The following ESYT2 variants were observed in gnomAD, a reference collection of about 807,000 sequenced individuals.
The protein encoded by ESYT2 is extended synaptotagmin-2.
A neutral mutation model predicts 107.2 loss-of-function variants in ESYT2; 54 were observed. The ratio of observed to expected loss-of-function variants is 0.50; its 90% CI spans 0.40 to 0.63. The LOEUF (loss-of-function observed/expected upper bound fraction) is 0.63, where lower values mean the gene tolerates loss of function less well. Among genes scored for constraint, ESYT2 ranks in the 30% least tolerant of loss-of-function variants. The pLI is 0.00. For missense variants in ESYT2, 1,020 were observed against 1,094.5 expected, an observed-to-expected ratio of 0.93 and a Z score of 0.96; for synonymous variants, 491 against 434.1, an observed-to-expected ratio of 1.13 and a Z score of -1.63.
intron 22 of ESYT2, 55 bp from the exon 23 acceptor site, chr7:158,734,307 G>A (rs1043108550): frequency 1.2e-6 from 2 of 1,613,116 alleles, no homozygotes; most frequent in Admixed American, 1.7e-5. Flanking sequence ...AGTAGGAAAA[G>A]CCTATCAGAT....
At chr7:158,758,851 C>T (rs530875850) in intron 13 of ESYT2, among the ~76,000 whole-genome samples, 22 of 152,312 alleles carry the variant, frequency 1.4e-4, no homozygotes, top group African/African-American at 3.6e-4. Context: ...TCTGTGGTTA[C>T]GGTTATTACC....
chr7:158,825,502 T>C (rs940312314), intron 1 of ESYT2, among the ~76,000 whole-genome samples: 6 of 152,210 alleles, frequency 3.9e-5, no homozygotes, highest in Non-Finnish European at 5.9e-5. Flanking sequence ...CAACACTGTT[T>C]ATATTAAAGC....
Position 158,734,159 on chromosome 7 carries a change from G to A in ESYT2, c.*48C>T. On this transcript the variant is annotated 3_prime_UTR_variant, in exon 23 of 23. Coordinates refer to ENST00000275418, the MANE Select transcript of ESYT2 (RefSeq NM_001367773.1). The stretch of plus-strand genomic sequence containing the variant: ...ACGTCTGTGAGAGGGTGTGTTCCGG[G>A]TAGAGGTGGAGAGCTACGCTGAAGA... 6.2e-7 allele frequency: 1 copy of A among 1,606,278 alleles called. No homozygotes were observed. The highest frequency in any genetic ancestry group is 8.5e-7 in the Non-Finnish European group (1 of 1,173,170).
intron 16 of ESYT2, among the ~76,000 whole-genome samples, chr7:158,747,781 G>T (rs898003947): frequency 2.0e-5 from 3 of 152,054 alleles, no homozygotes; most frequent in African/African-American, 7.2e-5. Context: ...GGTCTAAACC[G>T]GAAAGAACCC....
chr7:158,734,261 GA>G lies in ESYT2; in HGVS notation c.2556-10del. On this transcript the variant is annotated splice_polypyrimidine_tract_variant and intron_variant, in intron 22 of 22. Transcript: ENST00000275418. ...CTTCCGTGAGGTCATACCTGAGAAAGACAGTGACAGGAAGGTGGTGACGGAT... is the reference window on the plus strand; with the variant it reads ...CTTCCGTGAGGTCATACCTGAGAAAGCAGTGACAGGAAGGTGGTGACGGAT... 1 of 1,614,122 alleles carries G rather than the reference GA, an allele frequency of 6.2e-7. No individual in the cohort carries two copies. Among genetic ancestry groups the G allele is most frequent in the Non-Finnish European group, 8.5e-7 (1 of 1,180,032 alleles).
chr7:158,808,889 T>C (rs368709913), intron 1 of ESYT2, among the ~76,000 whole-genome samples: 83 of 151,920 alleles, frequency 5.5e-4, no homozygotes, highest in African/African-American at 1.9e-3. Context: ...GCCACGAGAA[T>C]TGCTTGAACT....
At chr7:158,771,934 C>CA (rs933673152) in intron 7 of ESYT2, among the ~76,000 whole-genome samples, 1 of 152,054 alleles carries the variant, frequency 6.6e-6, no homozygotes, top group African/African-American at 2.4e-5. Context: ...GCCTGGCCAA[C>CA]ATGGCGAAAC....
intron 16 of ESYT2, among the ~76,000 whole-genome samples, chr7:158,747,831 G>A (rs1837455283): frequency 6.6e-6 from 1 of 152,166 alleles, no homozygotes; most frequent in Admixed American, 6.5e-5. Flanking sequence ...AAATGGATGA[G>A]CAAATTGTGG....
chr7:158,742,014 A>C (rs1172719555), intron 17 of ESYT2, 118 bp from the exon 18 acceptor site: 2 of 1,305,350 alleles, frequency 1.5e-6, no homozygotes, highest in Admixed American at 2.5e-5. Context: ...CTCAAAAAAA[A>C]ATTTTTTTTT....
chr7:158,759,611 C>A (rs759422779), intron 12 of ESYT2, 30 bp from the exon 13 acceptor site: 3 of 1,560,830 alleles, frequency 1.9e-6, no homozygotes, highest in Admixed American at 1.7e-5. Flanking sequence ...CCCTTAGCAG[C>A]CATGTTTCCA....
Position 158,734,037 on chromosome 7 carries a change from G to T in ESYT2, c.*170C>A. 1 of 766,018 alleles carries T rather than the reference G, an allele frequency of 1.3e-6. No homozygotes were observed. Among genetic ancestry groups the T allele is most frequent in the Admixed American group, 2.9e-5 (1 of 34,042 alleles). The allele number at this position is 766,018 out of a possible 1,614,324, so 47.5% of individuals were successfully genotyped here. On this transcript the variant is annotated 3_prime_UTR_variant, in exon 23 of 23. Transcript: ENST00000275418. The stretch of plus-strand genomic sequence containing the variant: ...GGAAATCCAACACAGAAAATTCAAT[G>T]ATAATATTGGCCAAATTTGCCTGAA...
intron 10 of ESYT2, 77 bp downstream of exon 10, chr7:158,763,006 T>G (rs1190122813): frequency 2.0e-6 from 2 of 985,926 alleles, no homozygotes; most frequent in African/African-American, 1.6e-5. Context: ...AAATGTATTT[T>G]AAAACATACT....
Position 158,737,331 on chromosome 7 carries a change from C to T in ESYT2, c.2268-152G>A, listed in dbSNP as rs1836998360. The stretch of plus-strand genomic sequence containing the variant: ...AGAATGCGTGAGGCGCTTTTGCCTC[C>T]CCCGACGGCTGCCTGGTGGCATCTC... On this transcript the variant is annotated intron_variant, in intron 19 of 22. Coordinates refer to ENST00000275418, the MANE Select transcript of ESYT2 (RefSeq NM_001367773.1). 3 of 968,114 alleles carry T rather than the reference C, an allele frequency of 3.1e-6. No individual in the cohort carries two copies. The South Asian group carries it at 5.6e-5, about 18-fold the overall frequency. The allele number at this position is 968,114 out of a possible 1,614,324, so 60.0% of individuals were successfully genotyped here.
rs751397026 is a variant in ESYT2 at position 158,829,272 on chromosome 7, G to C, written c.147C>G (p.Pro49=). The C allele has an allele frequency of 1.5e-5, 23 of 1,521,366 alleles. No homozygotes were observed. The highest frequency in any genetic ancestry group is 2.9e-5 in the African/African-American group (2 of 70,008). 94.2% of individuals were successfully genotyped at this position (1,521,366 alleles called of 1,614,324 possible). ...QLARSFALLL[P]VYALGYLGLS... ...GCCCCAGGTAGCCCAGCGCGTACAC[G>C]GGCAGCAGCAGCGCGAAGCTCCGCG... The change falls in exon 1 of 23, where the codon CCC becomes CCG. Residue 49 remains proline (P), a synonymous_variant. Transcript: ENST00000275418.
At chr7:158,827,181 AAAG>A (rs1348032720) in intron 1 of ESYT2, among the ~76,000 whole-genome samples, 4 of 151,190 alleles carry the variant, frequency 2.6e-5, no homozygotes, top group Non-Finnish European at 5.9e-5. Flanking sequence ...AAAAAAAAGA[AAAG>A]AAAAAGAAAA....
intron 1 of ESYT2, among the ~76,000 whole-genome samples, chr7:158,827,231 A>G (rs1036127424): frequency 3.9e-5 from 6 of 151,940 alleles, no homozygotes; most frequent in South Asian, 2.1e-4. Context: ...AGCAAATTTG[A>G]TATTAGCCAA....
chr7:158,795,468 AG>A (rs1188996032), intron 3 of ESYT2, among the ~76,000 whole-genome samples: 2 of 152,252 alleles, frequency 1.3e-5, no homozygotes, highest in African/African-American at 2.4e-5. Flanking sequence ...AGGGCATAAC[AG>A]GCTAAATGTG....
chr7:158,753,823 C>T (rs554377280), intron 13 of ESYT2, among the ~76,000 whole-genome samples: 1 of 152,146 alleles, frequency 6.6e-6, no homozygotes, highest in Non-Finnish European at 1.5e-5. Context: ...GCATCCTTCA[C>T]ACACTTCCCA....
At chr7:158,776,608 ATTAGGC>A (rs1277213492) in intron 6 of ESYT2, among the ~76,000 whole-genome samples, 1 of 152,214 alleles carries the variant, frequency 6.6e-6, no homozygotes, top group African/African-American at 2.4e-5. Context: ...TTTGCTGTGG[ATTAGGC>A]TCTGCCTTAA....
Sources: allele counts gnomAD v4.1 joint callset (sites outside exome capture counted in the v4.1 genomes callset), GRCh38; gene constraint gnomAD v4.1.1; transcripts MANE v1.5; gene names NCBI Gene and HGNC (gene_info 2026-07-23, HGNC 2026-07-21).